The following ZNF674 variants were observed in gnomAD, a reference collection of about 807,000 sequenced individuals.
ZNF674 encodes the protein zinc finger family member 674.
In ZNF674, 2 loss-of-function variants were observed where a neutral mutation model predicts 7.0. The observed-to-expected ratio is 0.29, with a 90% confidence interval of 0.12 to 0.90. The LOEUF (loss-of-function observed/expected upper bound fraction) is 0.90, where lower values mean the gene tolerates loss of function less well. ZNF674 is among the 40% of genes least tolerant of loss of function. The pLI, the probability that ZNF674 is intolerant of heterozygous loss-of-function variation, is 0.57. For missense variants in ZNF674, 297 were observed against 415.5 expected (o/e 0.71, Z 2.48); for synonymous variants, 103 against 145.2 (o/e 0.71, Z 2.09).
At chrX:46,519,266 A>AAATAGAT (rs1488956816) in intron 5 of ZNF674, among the ~76,000 whole-genome samples, 1 of 70,731 alleles carries the variant, frequency 1.4e-5, no homozygotes, top group Non-Finnish European at 2.6e-5. Flanking sequence ...AGATAGATAA[A>AAATAGAT]GATAGATGAT....
chrX:46,532,485 AC>A (rs1328316947), intron 3 of ZNF674, among the ~76,000 whole-genome samples: 2 of 112,188 alleles, frequency 1.8e-5, no homozygotes, highest in Admixed American at 1.9e-4. Context: ...GAGAGAAAAA[AC>A]ATCAATGGAG....
intron 3 of ZNF674, among the ~76,000 whole-genome samples, chrX:46,531,918 G>T (rs769900324): frequency 8.9e-6 from 1 of 112,061 alleles, no homozygotes; most frequent in Non-Finnish European, 1.9e-5. Context: ...TGTGATCCCA[G>T]CACTTTGGGA....
At chrX:46,515,873 A>G (rs924183007) in intron 5 of ZNF674, among the ~76,000 whole-genome samples, 1 of 111,341 alleles carries the variant, frequency 9.0e-6, no homozygotes, top group African/African-American at 3.3e-5. Context: ...AGCCTCCCCA[A>G]GTGCTAGAAT....
At chrX:46,510,213 A>G (rs1216410438) in intron 5 of ZNF674, among the ~76,000 whole-genome samples, 1 of 108,431 alleles carries the variant, frequency 9.2e-6, no homozygotes, top group East Asian at 3.0e-4. Flanking sequence ...TGGGTGCAGC[A>G]CACCAGCATG....
At chrX:46,532,946 T>C (rs1942135052) in intron 3 of ZNF674, among the ~76,000 whole-genome samples, 1 of 112,134 alleles carries the variant, frequency 8.9e-6, no homozygotes, top group Non-Finnish European at 1.9e-5. Flanking sequence ...CTGGGCCGCA[T>C]GTGGCTCATG....
At chrX:46,504,132 G>A (rs993513779) in intron 5 of ZNF674, among the ~76,000 whole-genome samples, 1 of 111,064 alleles carries the variant, frequency 9.0e-6, no homozygotes, top group Non-Finnish European at 1.9e-5. Flanking sequence ...TCATACCATA[G>A]GGAAATTATG....
At chrX:46,535,384 C>T (rs939510455) in intron 3 of ZNF674, among the ~76,000 whole-genome samples, 1 of 111,097 alleles carries the variant, frequency 9.0e-6, no homozygotes, top group Non-Finnish European at 1.9e-5. Flanking sequence ...CGAGCTTAAG[C>T]AATTCTCCTG....
At chrX:46,521,826 C>T (rs56101606) in intron 5 of ZNF674, among the ~76,000 whole-genome samples, 28,908 of 107,752 alleles carry the variant, frequency 0.27, 3,077 homozygotes, top group Middle Eastern at 0.36. Flanking sequence ...GAGGCAGAGG[C>T]TGCAGTGAGC....
intron 3 of ZNF674, among the ~76,000 whole-genome samples, chrX:46,535,442 G>C (rs1201774081): frequency 9.0e-6 from 1 of 111,419 alleles, no homozygotes; most frequent in Non-Finnish European, 1.9e-5. Context: ...CACAGCACTT[G>C]GCCAAAAATT....
Position 46,501,239 on chromosome X carries a change from TC to T in ZNF674, c.334del (p.Asp112MetfsTer23). 8.3e-7 allele frequency: 1 copy of T among 1,211,225 alleles called. No individual in the cohort carries two copies. The highest frequency in any genetic ancestry group is 1.1e-6 in the Non-Finnish European group (1 of 894,845). ...AAFIGKETLKDESGQECKICR... is the reference protein window; with the variant it reads ...AAFIGKETLKXESGQECKICR... ...TATTTTACATTCTTGACCACTTTCA[TC>T]CTTCAGTGTTTCCTTGCCTATGAAT... On this transcript the variant is annotated frameshift_variant, in exon 6 of 6. Transcript: ENST00000683375. LOFTEE classifies it low-confidence loss of function (END_TRUNC).
intron 5 of ZNF674, among the ~76,000 whole-genome samples, chrX:46,502,739 G>A (rs1941459111): frequency 8.9e-6 from 1 of 112,094 alleles, no homozygotes; most frequent in South Asian, 3.7e-4. Context: ...ACAGCATAAG[G>A]AAGTTAGAGT....
At chrX:46,507,350 T>C (rs5952895) in intron 5 of ZNF674, among the ~76,000 whole-genome samples, 30,551 of 110,056 alleles carry the variant, frequency 0.28, 3,230 homozygotes, top group Middle Eastern at 0.39. Flanking sequence ...CACAGCAAGA[T>C]TCTGTCTCAA....
chrX:46,507,429 G>T (rs1941562126), intron 5 of ZNF674, among the ~76,000 whole-genome samples: 1 of 111,716 alleles, frequency 9.0e-6, no homozygotes, highest in African/African-American at 3.2e-5. Flanking sequence ...ATTACTATGT[G>T]GCTTGGCTGT....
chrX:46,532,429 C>T (rs1179746272), intron 3 of ZNF674, among the ~76,000 whole-genome samples: 1 of 111,764 alleles, frequency 8.9e-6, no homozygotes, highest in Admixed American at 9.6e-5. Flanking sequence ...ATGAGCAATT[C>T]ATTGTGTCAC....
intron 5 of ZNF674, among the ~76,000 whole-genome samples, chrX:46,519,622 T>A (rs1186351817): frequency 2.5e-4 from 27 of 108,456 alleles, no homozygotes; most frequent in Admixed American, 4.0e-4. Context: ...AAAAAAAAAA[T>A]AAATAAATAA....
chrX:46,521,097 G>C (rs1210433541), intron 5 of ZNF674, among the ~76,000 whole-genome samples: 1 of 108,378 alleles, frequency 9.2e-6, no homozygotes, highest in Non-Finnish European at 1.9e-5. Context: ...TGAGGCGGAA[G>C]AATCGCTTGA....
Position 46,507,032 on chromosome X carries a change from A to G in ZNF674, c.239-5697T>C, listed in dbSNP as rs1197077326. On this transcript the variant is annotated intron_variant, in intron 5 of 5. Transcript: ENST00000683375. ...ACTCTAGACAACTGGTGATAAGTATATGGAGAAAGAAACAAATGAAAGAAA... is the reference window on the plus strand; with the variant it reads ...ACTCTAGACAACTGGTGATAAGTATGTGGAGAAAGAAACAAATGAAAGAAA... Among the ~76,000 whole-genome samples the G allele has an allele frequency of 5.4e-5, 6 of 111,504 alleles. No homozygotes were observed. The East Asian group carries it at 1.7e-3, about 31-fold the overall frequency.
In ZNF674 at chrX:46,529,719, T is replaced by C. The variant is rs188113685; in HGVS notation, c.16-810A>G. On this transcript the variant is annotated intron_variant, in intron 3 of 5. Coordinates refer to ENST00000683375, the MANE Select transcript of ZNF674 (RefSeq NM_001190417.2). ...TTAAACTCAAGGAGCTTCAGTTTAGTGGAGGGAGAAAAGCGACACTTAGAC... is the reference window on the plus strand; with the variant it reads ...TTAAACTCAAGGAGCTTCAGTTTAGCGGAGGGAGAAAAGCGACACTTAGAC... 12 of 103,415 alleles carry C rather than the reference T, an allele frequency of 1.2e-4. No individual in the cohort carries two copies. In the East Asian group the frequency reaches 3.4e-3, roughly 29 times the overall value. 8.5% of individuals were successfully genotyped at this position (103,415 alleles called of 1,213,427 possible).
At chrX:46,543,954 C>G (rs1344817528) in intron 2 of ZNF674, among the ~76,000 whole-genome samples, 1 of 112,794 alleles carries the variant, frequency 8.9e-6, no homozygotes, top group Non-Finnish European at 1.9e-5. Flanking sequence ...CCCCTGGAAG[C>G]AGGTGCCTGG....
Sources: gnomAD v4.1 joint callset for allele counts (sites outside exome capture counted in the v4.1 genomes callset) on GRCh38, gnomAD v4.1.1 for gene constraint, MANE v1.5 for transcripts, NCBI Gene and HGNC (gene_info 2026-07-23, HGNC 2026-07-21) for gene names.